RCL1: variants seen among roughly 807,000 people sequenced by gnomAD.
RCL1 encodes the protein RNA terminal phosphate cyclase like 1.
Under a neutral mutation model 42.4 loss-of-function variants are expected in RCL1, and 24 were observed. That is an observed-to-expected ratio of 0.57 (90% CI 0.41 to 0.80). The LOEUF is 0.80. Ranked by LOEUF, RCL1 falls within the 30% of genes least tolerant of loss-of-function variation. RCL1 has a pLI of 0.00. For missense variants in RCL1, 578 were observed against 467.9 expected, an observed-to-expected ratio of 1.24 and a Z score of -2.17; for synonymous variants, 228 against 177.3, an observed-to-expected ratio of 1.29 and a Z score of -2.27.
At chr9:4,829,131 A>C (rs1345272995) in intron 3 of RCL1, among the ~76,000 whole-genome samples, 12 of 152,236 alleles carry the variant, frequency 7.9e-5, no homozygotes, top group Non-Finnish European at 1.5e-4. Flanking sequence ...AGAGATTACA[A>C]GGATGAATAC....
chr9:4,795,984 T>G (rs190628656), intron 1 of RCL1, among the ~76,000 whole-genome samples: 57 of 152,300 alleles, frequency 3.7e-4, no homozygotes, highest in African/African-American at 1.3e-3. Flanking sequence ...GACACTTCCC[T>G]GAAAGTTACG....
intron 2 of RCL1, among the ~76,000 whole-genome samples, chr9:4,824,858 T>C (rs1408557782): frequency 6.6e-6 from 1 of 152,226 alleles, no homozygotes; most frequent in Non-Finnish European, 1.5e-5. Flanking sequence ...TTGAAATTGC[T>C]GGAGGTTTTT....
At chr9:4,834,119 A>G (rs1817041866) in intron 4 of RCL1, 22 bp from the exon 5 acceptor site, 5 of 1,608,498 alleles carry the variant, frequency 3.1e-6, no homozygotes, top group Non-Finnish European at 4.2e-6. Flanking sequence ...TCCTCGCCTC[A>G]TCTTTCTCAC....
chr9:4,855,334 G>C (rs991329056), intron 8 of RCL1, among the ~76,000 whole-genome samples: 2 of 143,214 alleles, frequency 1.4e-5, no homozygotes, highest in African/African-American at 5.3e-5. Flanking sequence ...ACTCATTGAG[G>C]GGCAGAGCTG....
intron 6 of RCL1, 112 bp from the exon 7 acceptor site, chr9:4,844,413 C>A: frequency 1.3e-6 from 1 of 763,146 alleles, no homozygotes; most frequent in East Asian, 2.7e-5. Flanking sequence ...CAGAAAGAAG[C>A]CTTTGAACAC....
At chr9:4,837,591 A>G (rs1488567763) in intron 5 of RCL1, among the ~76,000 whole-genome samples, 2 of 152,128 alleles carry the variant, frequency 1.3e-5, no homozygotes, top group African/African-American at 2.4e-5. Flanking sequence ...TCATAACAAC[A>G]TGGGTTTCAT....
chr9:4,834,382 T>C, intron 5 of RCL1, 117 bp downstream of exon 5: 1 of 1,233,028 alleles, frequency 8.1e-7, no homozygotes, highest in Non-Finnish European at 1.1e-6. Context: ...ACTACAACTT[T>C]GAAAAGTCTT....
chr9:4,817,469 A>ACTTTT, intron 1 of RCL1, among the ~76,000 whole-genome samples: 1 of 131,098 alleles, frequency 7.6e-6, no homozygotes, highest in Non-Finnish European at 1.7e-5. Flanking sequence ...TTTTTTTTTA[A>ACTTTT]TCTTTTTTTT....
At chr9:4,817,912 A>C (rs1414921312) in intron 1 of RCL1, among the ~76,000 whole-genome samples, 1 of 78,366 alleles carries the variant, frequency 1.3e-5, no homozygotes, top group South Asian at 4.6e-4. Context: ...CTTTTCTAAG[A>C]TTTTTTTTTT....
chr9:4,854,067 G>A (rs1029964306), intron 8 of RCL1, among the ~76,000 whole-genome samples: 15 of 152,126 alleles, frequency 9.9e-5, no homozygotes, highest in Non-Finnish European at 1.9e-4. Flanking sequence ...TTTAAATTCT[G>A]TAAAGCCCTG....
At chr9:4,828,907 C>T (rs1056396694) in intron 3 of RCL1, among the ~76,000 whole-genome samples, 11 of 152,160 alleles carry the variant, frequency 7.2e-5, no homozygotes, top group Admixed American at 7.2e-4. Context: ...GTATCTGGCT[C>T]CAGGCCAGGG....
At chr9:4,846,461 T>G (rs1587728556) in intron 7 of RCL1, among the ~76,000 whole-genome samples, 2 of 152,216 alleles carry the variant, frequency 1.3e-5, no homozygotes, top group East Asian at 3.8e-4. Context: ...TATGCTAAAT[T>G]TAATAATTTT....
At chr9:4,817,902 C>A (rs753497062) in intron 1 of RCL1, among the ~76,000 whole-genome samples, 1 of 125,496 alleles carries the variant, frequency 8.0e-6, no homozygotes, top group Non-Finnish European at 1.7e-5. Context: ...TTTGCTCTTA[C>A]TTTTCTAAGA....
chr9:4,817,551 T>A (rs1049442768), intron 1 of RCL1, among the ~76,000 whole-genome samples: 7 of 151,806 alleles, frequency 4.6e-5, no homozygotes, highest in Non-Finnish European at 1.5e-5. Flanking sequence ...ATGGCTCACT[T>A]CAGCCTCAAC....
chr9:4,853,725 C>T (rs1817837726), intron 8 of RCL1, among the ~76,000 whole-genome samples: 3 of 152,176 alleles, frequency 2.0e-5, no homozygotes, highest in Admixed American at 1.3e-4. Flanking sequence ...CAGCAAAGTC[C>T]TCGTTTCAAA....
At position 4,793,177 on chromosome 9, in the gene RCL1, C is replaced by G. The variant is rs1300959683; in HGVS notation, c.86C>G (p.Pro29Arg). 2 of 1,610,712 alleles carry G rather than the reference C, an allele frequency of 1.2e-6. No homozygotes were observed. Among genetic ancestry groups the G allele is most frequent in the Non-Finnish European group, 1.7e-6 (2 of 1,178,570 alleles). ...GTCCTGTCTACCCTGAGCGGGCGCC[C>G]CGTCAAAATCCGAAAGATTCGGGCC... Reference protein sequence around the residue: ...RLVLSTLSGRPVKIRKIRARD... With the variant: ...RLVLSTLSGRRVKIRKIRARD... Residue 29 changes from proline (P) to arginine (R), a missense_variant, in exon 1 of 9, where the codon CCC (proline) becomes CGC (arginine). Transcript: ENST00000381750.
At chr9:4,842,105 C>G (rs1463795756) in intron 6 of RCL1, among the ~76,000 whole-genome samples, 1 of 152,202 alleles carries the variant, frequency 6.6e-6, no homozygotes, top group Non-Finnish European at 1.5e-5. Flanking sequence ...ATTTGCTTCA[C>G]TTGTTTGTGG....
chr9:4,810,163 CTTTG>C (rs947177611), intron 1 of RCL1, among the ~76,000 whole-genome samples: 18 of 152,250 alleles, frequency 1.2e-4, no homozygotes, highest in African/African-American at 4.3e-4. Flanking sequence ...TTTCTTTCAA[CTTTG>C]TTTTTCATTT....
In RCL1 at chr9:4,793,160, T is replaced by C. The variant is rs1190943775; in HGVS notation, c.69T>C (p.Ser23=). ...CNFLRQRLVL[S]TLSGRPVKIR... The stretch of plus-strand genomic sequence containing the variant: ...TCTTGCGCCAACGTCTGGTCCTGTC[T>C]ACCCTGAGCGGGCGCCCCGTCAAAA... The change falls in exon 1 of 9, where the codon TCT becomes TCC. Residue 23 remains serine, a synonymous_variant. Transcript: ENST00000381750. 3 of 1,612,126 alleles carry C rather than the reference T, an allele frequency of 1.9e-6. No individual in the cohort carries two copies. The highest frequency in any genetic ancestry group is 2.5e-6 in the Non-Finnish European group (3 of 1,179,216).
Sources: gnomAD v4.1 joint callset for allele counts (sites outside exome capture counted in the v4.1 genomes callset) on GRCh38, gnomAD v4.1.1 for gene constraint, MANE v1.5 for transcripts, NCBI Gene and HGNC (gene_info 2026-07-23, HGNC 2026-07-21) for gene names.